Variants in TMPRSS11F observed in about 807,000 individuals in gnomAD.
TMPRSS11F encodes the protein transmembrane protease serine 11F.
In TMPRSS11F, 47 loss-of-function variants were observed where a neutral mutation model predicts 60.2. That is an observed-to-expected ratio of 0.78 (90% confidence interval 0.62 to 1.00). The LOEUF is 1.00. Among genes scored for constraint, TMPRSS11F ranks in the 50% least tolerant of loss-of-function variants. The probability of loss-of-function intolerance (pLI) is 0.00; values close to 1 mark genes in which losing one functional copy is unlikely to be tolerated. For synonymous variants in TMPRSS11F, 166 were observed against 167.3 expected (o/e 0.99, Z 0.06); for missense variants, 519 against 522.9 (o/e 0.99, Z 0.07).
At position 68,107,921 on chromosome 4, in the gene TMPRSS11F, G is replaced by A. The variant is rs577142823; in HGVS notation, c.12-8883C>T. ...CGCTGCACTCCAGCCTGGAGACAAA[G>A]TGAGACTCTGTCTCAAATTTAAAAA... On this transcript the variant is annotated intron_variant, in intron 1 of 9. Coordinates refer to ENST00000356291, the MANE Select transcript of TMPRSS11F (RefSeq NM_207407.2). Among the ~76,000 whole-genome samples, 216 of 152,248 alleles carry A rather than the reference G, an allele frequency of 1.4e-3. 2 individuals are homozygous for A. The highest frequency in any genetic ancestry group is 4.8e-3 in the African/African-American group (201 of 41,556).
intron 1 of TMPRSS11F, among the ~76,000 whole-genome samples, chr4:68,109,550 A>G (rs776170792): frequency 6.6e-6 from 1 of 152,228 alleles, no homozygotes; most frequent in Non-Finnish European, 1.5e-5. Context: ...GTTTTAAATC[A>G]ACCACCTAAA....
chr4:68,087,494 C>G (rs945031325), intron 3 of TMPRSS11F, among the ~76,000 whole-genome samples: 1 of 151,966 alleles, frequency 6.6e-6, no homozygotes, highest in Non-Finnish European at 1.5e-5. Flanking sequence ...CAACATAGTA[C>G]TAGAAGTCCT....
chr4:68,103,907 T>C lies in TMPRSS11F; in HGVS notation c.12-4869A>G, dbSNP rs1487823703. ...CCTAGGTATATTACTTTTTAAATTT[T>C]TGATACTATTGGAAATAGAATTGTT... On this transcript the variant is annotated intron_variant, in intron 1 of 9. Coordinates refer to ENST00000356291, the MANE Select transcript of TMPRSS11F (RefSeq NM_207407.2). Among the ~76,000 whole-genome samples, 10 of 152,288 alleles carry C rather than the reference T, an allele frequency of 6.6e-5. No individual in the cohort carries two copies. The Middle Eastern group carries it at 0.031, about 466-fold the overall frequency.
intron 2 of TMPRSS11F, among the ~76,000 whole-genome samples, chr4:68,095,837 A>G (rs1398665049): frequency 7.1e-6 from 1 of 141,562 alleles, no homozygotes; most frequent in African/African-American, 2.6e-5. Flanking sequence ...CAGAGGTTGC[A>G]GTGAGCCAAG....
At chr4:68,100,600 G>C (rs1724172984) in intron 1 of TMPRSS11F, among the ~76,000 whole-genome samples, 1 of 152,096 alleles carries the variant, frequency 6.6e-6, no homozygotes, top group African/African-American at 2.4e-5. Flanking sequence ...GTAAATGACT[G>C]TGACTCCAGG....
chr4:68,076,281 T>C (rs1345256432), intron 3 of TMPRSS11F, among the ~76,000 whole-genome samples: 1 of 152,136 alleles, frequency 6.6e-6, no homozygotes, highest in African/African-American at 2.4e-5. Context: ...ATTTTTCTGC[T>C]TTAACTATAG....
intron 1 of TMPRSS11F, among the ~76,000 whole-genome samples, chr4:68,118,636 T>C (rs972943823): frequency 3.3e-5 from 5 of 152,164 alleles, no homozygotes; most frequent in African/African-American, 1.2e-4. Context: ...ATTGAAAATT[T>C]TTGCTGGCTG....
At chr4:68,122,101 C>A (rs1165208039) in intron 1 of TMPRSS11F, among the ~76,000 whole-genome samples, 13 of 152,184 alleles carry the variant, frequency 8.5e-5, no homozygotes, top group Admixed American at 2.6e-4. Context: ...AATAAAATCA[C>A]CTAATTCTCA....
At chr4:68,072,892 A>T (rs1005905005) in intron 4 of TMPRSS11F, among the ~76,000 whole-genome samples, 1 of 152,086 alleles carries the variant, frequency 6.6e-6, no homozygotes, top group Non-Finnish European at 1.5e-5. Flanking sequence ...GACAGGGAGG[A>T]TCCTTTTGTT....
chr4:68,060,009 G>T (rs1214806869), intron 8 of TMPRSS11F, among the ~76,000 whole-genome samples: 1 of 152,130 alleles, frequency 6.6e-6, no homozygotes. Flanking sequence ...AGGGCTGGGT[G>T]TTAGGAGGAG....
chr4:68,068,566 T>C, intron 7 of TMPRSS11F, 52 bp downstream of exon 7: 1 of 1,475,372 alleles, frequency 6.8e-7, no homozygotes, highest in Non-Finnish European at 9.5e-7. Flanking sequence ...GCTAAATCAG[T>C]GGCAGATGAG....
chr4:68,072,733 T>G (rs557905038), intron 4 of TMPRSS11F, among the ~76,000 whole-genome samples: 2 of 152,140 alleles, frequency 1.3e-5, no homozygotes, highest in Non-Finnish European at 2.9e-5. Context: ...AAAACAGTTG[T>G]TCACTGTCCT....
At chr4:68,091,777 C>CTA (rs1192998753) in intron 2 of TMPRSS11F, among the ~76,000 whole-genome samples, 116 of 113,918 alleles carry the variant, frequency 1.0e-3, no homozygotes, top group African/African-American at 3.7e-3. Flanking sequence ...CTCTCTCTCT[C>CTA]TCTCTCTATC....
chr4:68,093,074 C>A (rs930485957), intron 2 of TMPRSS11F, among the ~76,000 whole-genome samples: 18 of 152,008 alleles, frequency 1.2e-4, no homozygotes, highest in Non-Finnish European at 2.2e-4. Flanking sequence ...GCTCATTTCA[C>A]CAGTGAAGAA....
chr4:68,099,264 G>C (rs1577928771), intron 1 of TMPRSS11F, among the ~76,000 whole-genome samples: 1 of 152,196 alleles, frequency 6.6e-6, no homozygotes, highest in African/African-American at 2.4e-5. Flanking sequence ...TTCAAGTGAG[G>C]ATATCTTCCC....
intron 8 of TMPRSS11F, chr4:68,061,793 C>G (rs1577909903): frequency 2.3e-6 from 1 of 440,808 alleles, no homozygotes; most frequent in East Asian, 7.0e-5. Context: ...CAGAAAGTTA[C>G]GTAGTTCTAC....
intron 8 of TMPRSS11F, chr4:68,063,113 A>G: frequency 1.6e-6 from 1 of 633,064 alleles, no homozygotes; most frequent in African/African-American, 1.8e-5. Flanking sequence ...CAACATTTTC[A>G]AAACAGAACT....
chr4:68,065,078 A>G, intron 7 of TMPRSS11F, 134 bp from the exon 8 acceptor site: 1 of 818,928 alleles, frequency 1.2e-6, no homozygotes, highest in Non-Finnish European at 1.8e-6. Flanking sequence ...GTAGTTGATA[A>G]CATAATAGGA....
At chr4:68,080,415 G>A (rs200519519) in intron 3 of TMPRSS11F, 1 of 152,228 alleles carries the variant, frequency 6.6e-6, no homozygotes, top group East Asian at 1.9e-4. Flanking sequence ...TGCACTGAGT[G>A]GGGAGGTGTA....
Sources: gnomAD v4.1 joint callset for allele counts (sites outside exome capture counted in the v4.1 genomes callset) on GRCh38, gnomAD v4.1.1 for gene constraint, MANE v1.5 for transcripts, NCBI Gene and HGNC (gene_info 2026-07-23, HGNC 2026-07-21) for gene names.